EVI2B: variants seen among roughly 807,000 people sequenced by gnomAD.
EVI2B encodes the protein protein EVI2B.
Under a neutral mutation model 6.6 loss-of-function variants are expected in EVI2B, and 4 were observed. That is an observed-to-expected ratio of 0.61 (90% CI 0.30 to 1.39). EVI2B has a LOEUF of 1.39. Ranked by LOEUF, EVI2B falls within the 40% of genes most tolerant of loss-of-function variation. The pLI is 0.08. For synonymous variants in EVI2B, 181 were observed against 186.8 expected, an observed-to-expected ratio of 0.97 and a Z score of 0.25; for missense variants, 484 against 516.6, an observed-to-expected ratio of 0.94 and a Z score of 0.61.
At chr17:31,309,305 A>G (rs975923557) in intron 1 of EVI2B, among the ~76,000 whole-genome samples, 2 of 152,130 alleles carry the variant, frequency 1.3e-5, no homozygotes, top group Non-Finnish European at 2.9e-5. Context: ...TTTCCATTTT[A>G]GTTTTTGCTT....
At chr17:31,308,049 C>G in intron 1 of EVI2B, 1 of 455,196 alleles carries the variant, frequency 2.2e-6, no homozygotes, top group Non-Finnish European at 3.9e-6. Context: ...TTGAACTCTC[C>G]TGCACACTGC....
intron 1 of EVI2B, among the ~76,000 whole-genome samples, chr17:31,310,217 A>C (rs1007197171): frequency 6.6e-6 from 1 of 152,194 alleles, no homozygotes; most frequent in African/African-American, 2.4e-5. Flanking sequence ...GGAGATTTAG[A>C]ATAATATAAA....
At chr17:31,309,071 C>T (rs920485203) in intron 1 of EVI2B, among the ~76,000 whole-genome samples, 53 of 152,292 alleles carry the variant, frequency 3.5e-4, no homozygotes, top group African/African-American at 1.2e-3. Flanking sequence ...CCCTTATTTA[C>T]AGATAAAGAG....
In EVI2B at chr17:31,308,179, C is replaced by G. The variant is rs139593118; in HGVS notation, c.-21-2549G>C. 2.5e-3 allele frequency among the ~76,000 whole-genome samples: 376 copies of G among 151,864 alleles called. 1 individual carries two copies. The highest frequency in any genetic ancestry group is 4.4e-3 in the Non-Finnish European group (302 of 67,936). On this transcript the variant is annotated intron_variant, in intron 1 of 1. Coordinates refer to ENST00000330927, the MANE Select transcript of EVI2B (RefSeq NM_006495.4). ...TTTGGAGACAGAGTCGTTCTGTCAC[C>G]CAGGCTGGAGTGCAGTGGCATGATC...
At position 31,304,525 on chromosome 17, in the gene EVI2B, A is replaced by G. The variant is rs781227729; in HGVS notation, c.1085T>C (p.Ile362Thr). The change falls in exon 2 of 2, where the codon ATT becomes ACT. Residue 362 changes from isoleucine (I) to threonine (T), a missense_variant. Coordinates refer to ENST00000330927, the MANE Select transcript of EVI2B (RefSeq NM_006495.4). ...SNQSDKPTMT[I>T]VSPLPNDSTS... ...AGAATCATTTGGAAGAGGAGATACAATTGTCATTGTGGGTTTGTCAGATTG... is the reference window on the plus strand; with the variant it reads ...AGAATCATTTGGAAGAGGAGATACAGTTGTCATTGTGGGTTTGTCAGATTG... The G allele has an allele frequency of 6.8e-6, 11 of 1,614,032 alleles. No individual in the cohort carries two copies. Among genetic ancestry groups the G allele is most frequent in the African/African-American group, 2.7e-5 (2 of 74,932 alleles).
rs770052850 is a variant in EVI2B at position 31,304,435 on chromosome 17, A to G, written c.1175T>C (p.Ile392Thr). 6.2e-6 allele frequency: 10 copies of G among 1,614,054 alleles called. No homozygotes were observed. Among genetic ancestry groups the G allele is most frequent in the Non-Finnish European group, 8.5e-6 (10 of 1,180,018 alleles). ...TGAGTCAAGCGGTGGAAATGATTGTATTATCTCAGATTTATGATCTCCACA... is the reference window on the plus strand; with the variant it reads ...TGAGTCAAGCGGTGGAAATGATTGTGTTATCTCAGATTTATGATCTCCACA... ...QDCGDHKSEI[I>T]QSFPPLDSLN... The change falls in exon 2 of 2, where the codon ATA (isoleucine) becomes ACA (threonine). Residue 392 changes from isoleucine to threonine, a missense_variant. Ile to Thr is a moderately conservative substitution (Grantham distance 89). Transcript: ENST00000330927.
At position 31,304,485 on chromosome 17, in the gene EVI2B, T is replaced by G; in HGVS notation, c.1125A>C (p.Pro375=). 6.2e-7 allele frequency: 1 copy of G among 1,614,100 alleles called. No homozygotes were observed. The highest frequency in any genetic ancestry group is 1.7e-5 in the Admixed American group (1 of 60,026). Residue 375 remains proline (P), a synonymous_variant, in exon 2 of 2, where the codon CCA becomes CCC. Transcript: ENST00000330927. Reference sequence around the variant, plus strand: ...AGTCTTGATTGAGACAGTCCAGAGATGGAGGGAGACTAGTAGAATCATTTG... The same window carrying G: ...AGTCTTGATTGAGACAGTCCAGAGAGGGAGGGAGACTAGTAGAATCATTTG... ...PLPNDSTSLP[P]SLDCLNQDCG...
In EVI2B at chr17:31,313,973, T is replaced by C. The variant is rs2068957922; in HGVS notation, c.-22+6A>G. On this transcript the variant is annotated splice_donor_region_variant and intron_variant, in intron 1 of 1. Transcript: ENST00000330927. Reference sequence around the variant, plus strand: ...ATCAAACCAAATTGTGTGAAAATTTTCTTACCTCAGCTGTTAACTTCTTTT... The same window carrying C: ...ATCAAACCAAATTGTGTGAAAATTTCCTTACCTCAGCTGTTAACTTCTTTT... 2.5e-6 allele frequency: 1 copy of C among 397,994 alleles called. No individual in the cohort carries two copies. Among genetic ancestry groups the C allele is most frequent in the Non-Finnish European group, 4.4e-6 (1 of 225,814 alleles). 24.7% of individuals were successfully genotyped at this position (397,994 alleles called of 1,614,324 possible).
chr17:31,312,492 C>T (rs1003094455), intron 1 of EVI2B, among the ~76,000 whole-genome samples: 1 of 146,660 alleles, frequency 6.8e-6, no homozygotes, highest in African/African-American at 2.5e-5. Context: ...GCACACCAGC[C>T]TGGGTGACAG....
At position 31,305,527 on chromosome 17, in the gene EVI2B, G is replaced by A. The variant is rs1479318642; in HGVS notation, c.83C>T (p.Thr28Ile). ...TAAGGTAGGCTGTGACTGCTTCTCT[G>A]TTGTAATTGTCTCTGTCTTTGAAAA... ...TFFSKTETIT[T>I]EKQSQPTLFT... is the part of the protein sequence containing the mutation. The change falls in exon 2 of 2, where the codon ACA (threonine) becomes ATA (isoleucine). Residue 28 changes from threonine (T) to isoleucine (I), a missense_variant. Coordinates refer to ENST00000330927, the MANE Select transcript of EVI2B (RefSeq NM_006495.4). 6 of 1,614,124 alleles carry A rather than the reference G, an allele frequency of 3.7e-6. No homozygotes were observed. The highest frequency in any genetic ancestry group is 1.6e-4 in the Middle Eastern group (1 of 6,062).
At chr17:31,308,065 T>A in intron 1 of EVI2B, 1 of 390,702 alleles carries the variant, frequency 2.6e-6, no homozygotes, top group Non-Finnish European at 4.7e-6. Flanking sequence ...ACTGCTGAAT[T>A]AATCTTAAAA....
At chr17:31,312,802 A>C (rs1221732589) in intron 1 of EVI2B, among the ~76,000 whole-genome samples, 1 of 152,146 alleles carries the variant, frequency 6.6e-6, no homozygotes, top group Non-Finnish European at 1.5e-5. Flanking sequence ...GAAATGGGAT[A>C]TCACCCACTA....
Position 31,305,369 on chromosome 17 carries a change from G to A in EVI2B, c.241C>T (p.Pro81Ser), listed in dbSNP as rs2068689126. Reference protein sequence around the residue: ...ISPAKVTAGQPTPAVYTSSEK... With the variant: ...ISPAKVTAGQSTPAVYTSSEK... The stretch of plus-strand genomic sequence containing the variant: ...GAAGAGGTATAGACAGCTGGTGTTG[G>A]TTGTCCAGCAGTGACTTTGGCAGGT... Residue 81 changes from proline to serine, a missense_variant, in exon 2 of 2, where the codon CCA becomes TCA. By Grantham distance (74) the Pro-to-Ser change is moderately conservative. Coordinates refer to ENST00000330927, the MANE Select transcript of EVI2B (RefSeq NM_006495.4). The A allele has an allele frequency of 5.0e-6, 8 of 1,614,182 alleles. No individual in the cohort carries two copies. Among genetic ancestry groups the A allele is most frequent in the Non-Finnish European group, 6.8e-6 (8 of 1,180,032 alleles).
rs1454567034 is a variant in EVI2B, at chr17:31,305,092, G to A, written c.518C>T (p.Thr173Ile). 6.2e-7 allele frequency: 1 copy of A among 1,614,064 alleles called. No individual in the cohort carries two copies. The change falls in exon 2 of 2, where the codon ACT (threonine) becomes ATT (isoleucine). Residue 173 changes from threonine to isoleucine, a missense_variant. Thr to Ile is a moderately conservative substitution (Grantham distance 89). Transcript: ENST00000330927. ...TGTACTCCTAGGTGAATTTTTGACA[G>A]TTGATGTTGGTTGTGTGGATGGATT... ...VHNPSTQPTS[T>I]VKNSPRSTPG...
chr17:31,311,368 A>G (rs1018913531), intron 1 of EVI2B, among the ~76,000 whole-genome samples: 2 of 152,220 alleles, frequency 1.3e-5, no homozygotes, highest in Non-Finnish European at 2.9e-5. Context: ...AAGAGAATCA[A>G]GATTTGGAGA....
chr17:31,312,542 G>A (rs909710750), intron 1 of EVI2B, among the ~76,000 whole-genome samples: 1 of 151,066 alleles, frequency 6.6e-6, no homozygotes, highest in Non-Finnish European at 1.5e-5. Context: ...AAAAGTATGG[G>A]ATTCTATGAC....
At chr17:31,310,653 C>T (rs2068848302) in intron 1 of EVI2B, among the ~76,000 whole-genome samples, 1 of 151,804 alleles carries the variant, frequency 6.6e-6, no homozygotes, top group Non-Finnish European at 1.5e-5. Context: ...TTTTCCCTGA[C>T]ACTATCCAGA....
intron 1 of EVI2B, among the ~76,000 whole-genome samples, chr17:31,313,611 C>G (rs2068940387): frequency 6.6e-6 from 1 of 151,102 alleles, no homozygotes. Context: ...GAGGCTGAAG[C>G]AGGAGAATTG....
At chr17:31,306,399 T>C (rs761733927) in intron 1 of EVI2B, among the ~76,000 whole-genome samples, 1 of 152,196 alleles carries the variant, frequency 6.6e-6, no homozygotes, top group East Asian at 1.9e-4. Flanking sequence ...TTTATATATA[T>C]AGATAGATAG....
Sources: gnomAD v4.1 joint callset for allele counts (sites outside exome capture counted in the v4.1 genomes callset) on GRCh38, gnomAD v4.1.1 for gene constraint, MANE v1.5 for transcripts, NCBI Gene and HGNC (gene_info 2026-07-23, HGNC 2026-07-21) for gene names.